Variants in MAMDC4 observed in about 807,000 individuals in gnomAD.
MAMDC4 encodes apical endosomal glycoprotein.
MAMDC4 carries 168 observed loss-of-function variants against 153.3 expected under a neutral mutation model. The observed-to-expected ratio is 1.10, with a 90% CI of 0.97 to 1.25. The LOEUF (loss-of-function observed/expected upper bound fraction) is 1.25. Ranked by LOEUF, MAMDC4 falls within the 50% of genes most tolerant of loss-of-function variation. MAMDC4 has a pLI of 0.00. For missense variants in MAMDC4, 1,701 were observed against 1,542.8 expected (o/e 1.10, Z -1.72); for synonymous variants, 744 against 651.5 (o/e 1.14, Z -2.16).
At chr9:136,854,161 G>A (rs761530160) in intron 6 of MAMDC4, 50 bp from the exon 7 acceptor site, 4 of 1,611,278 alleles carry the variant, frequency 2.5e-6, no homozygotes, top group Non-Finnish European at 3.4e-6. Flanking sequence ...GCCCCCGAGT[G>A]CTCTCCCACT....
rs771563213 is a variant in MAMDC4 at position 136,852,451 on chromosome 9, T to G, written c.35T>G (p.Val12Gly). 12 of 1,610,230 alleles carry G rather than the reference T, an allele frequency of 7.5e-6. No homozygotes were observed. The Admixed American group carries it at 2.0e-4, about 27-fold the overall frequency. Residue 12 changes from valine (V) to glycine (G), a missense_variant, in exon 1 of 27, where the codon GTC (valine) becomes GGC (glycine). Transcript: ENST00000317446. ...TCCAGCCACCTGCTGCCCGCCTTGG[T>G]CCTGTTCCTGGGTAAGTAGTCTGGT... ...PLSSHLLPAL[V>G]LFLAGSSGWA...
Position 136,860,062 on chromosome 9 carries a change from G to T in MAMDC4, c.3370G>T (p.Ala1124Ser). ...APGFDNILFN[A>S]DGVTLPASVT... ...TGGCTTTGACAACATCCTTTTCAAT[G>T]CGGTAGGAGCCCCTGGGGATGGGTG... Residue 1124 changes from alanine to serine, a missense_variant and splice_region_variant, in exon 26 of 27, where the codon GCG (alanine) becomes TCG (serine). Ala to Ser is a moderately conservative substitution (Grantham distance 99). Coordinates refer to ENST00000317446, the MANE Select transcript of MAMDC4 (RefSeq NM_206920.3). 6.4e-7 allele frequency: 1 copy of T among 1,567,858 alleles called. No homozygotes were observed. Among genetic ancestry groups the T allele is most frequent in the Middle Eastern group, 1.7e-4 (1 of 5,834 alleles).
At chr9:136,860,241 C>T (rs1461662606) in intron 26 of MAMDC4, among the ~76,000 whole-genome samples, 177 bp downstream of exon 26, 3 of 152,166 alleles carry the variant, frequency 2.0e-5, no homozygotes, top group African/African-American at 4.8e-5. Flanking sequence ...CCTCCTTGGC[C>T]GGGCGCGGTG....
Position 136,859,972 on chromosome 9 carries a change from G to A in MAMDC4, c.3280G>A (p.Gly1094Arg). The change falls in exon 26 of 27, where the codon GGA (glycine) becomes AGA (arginine). Residue 1094 changes from glycine (G) to arginine (R), a missense_variant. Coordinates refer to ENST00000317446, the MANE Select transcript of MAMDC4 (RefSeq NM_206920.3). ...GCTCCTGGTGCTGCTGGGACTTGGGGGACGGCGCTGGCTGCAGAAGAAGGG... is the reference window on the plus strand; with the variant it reads ...GCTCCTGGTGCTGCTGGGACTTGGGAGACGGCGCTGGCTGCAGAAGAAGGG... ...LMLLVLLGLG[G>R]RRWLQKKGSC... 1 of 1,612,978 alleles carries A rather than the reference G, an allele frequency of 6.2e-7. No individual in the cohort carries two copies. Among genetic ancestry groups the A allele is most frequent in the Non-Finnish European group, 8.5e-7 (1 of 1,179,898 alleles).
In MAMDC4 at chr9:136,854,043, G is replaced by C; in HGVS notation, c.637G>C (p.Asp213His). ...CACCCACAGGGGCGCTGTGGCTCTA[G>C]ATGACCTAGAGTTCTGGGACTGTGG... ...NATHRGAVAL[D>H]DLEFWDCGLP... Residue 213 changes from aspartate to histidine, a missense_variant, in exon 6 of 27, where the codon GAT (aspartate) becomes CAT (histidine). Transcript: ENST00000317446. 1 of 1,612,916 alleles carries C rather than the reference G, an allele frequency of 6.2e-7. No homozygotes were observed. The highest frequency in any genetic ancestry group is 8.5e-7 in the Non-Finnish European group (1 of 1,179,958).
intron 22 of MAMDC4, 66 bp from the exon 23 acceptor site, chr9:136,858,653 C>T: frequency 6.2e-7 from 1 of 1,600,632 alleles, no homozygotes; most frequent in Non-Finnish European, 8.5e-7. Context: ...GCTCACCGAG[C>T]CTCTGCTCGG....
chr9:136,856,221 C>T (rs531753629), intron 14 of MAMDC4, 72 bp downstream of exon 14: 99 of 1,609,092 alleles, frequency 6.2e-5, no homozygotes, highest in Admixed American at 1.2e-4. Flanking sequence ...GGTCTGGGGC[C>T]GGGTGACCCA....
At chr9:136,859,815 C>T in intron 25 of MAMDC4, 71 bp from the exon 26 acceptor site, 2 of 1,535,658 alleles carry the variant, frequency 1.3e-6, no homozygotes, top group Non-Finnish European at 1.8e-6. Context: ...GACCATGCAG[C>T]CCCAGGCTTC....
At position 136,857,792 on chromosome 9, in the gene MAMDC4, C is replaced by A. The variant is rs764138696; in HGVS notation, c.2460C>A (p.Ser820Arg). 5 of 1,611,930 alleles carry A rather than the reference C, an allele frequency of 3.1e-6. No homozygotes were observed. The highest frequency in any genetic ancestry group is 4.2e-6 in the Non-Finnish European group (5 of 1,179,602). The change falls in exon 19 of 27, where the codon AGC becomes AGA. Residue 820 changes from serine to arginine, a missense_variant. By Grantham distance (110) the Ser-to-Arg change is moderately radical (BLOSUM62 -1). Coordinates refer to ENST00000317446, the MANE Select transcript of MAMDC4 (RefSeq NM_206920.3). ...TCTGGTACCACGGGAGCCTCCGCAG[C>A]CCAGGTGAGGGGCTTTGGGAGGGGG... ...LTFWYHGSLR[S>R]PGTLRVYLEE...
intron 6 of MAMDC4, 34 bp from the exon 7 acceptor site, chr9:136,854,177 G>A (rs1340661914): frequency 1.9e-6 from 3 of 1,611,688 alleles, no homozygotes; most frequent in African/African-American, 2.7e-5. Context: ...CCACTCCTGG[G>A]GCCTCGGTGA....
At position 136,855,301 on chromosome 9, in the gene MAMDC4, C is replaced by A. The variant is rs768546916; in HGVS notation, c.1245C>A (p.Asp415Glu). Residue 415 changes from aspartate (D) to glutamate (E), a missense_variant, in exon 11 of 27, where the codon GAC becomes GAA. By Grantham distance (45) the Asp-to-Glu change is conservative. Coordinates refer to ENST00000317446, the MANE Select transcript of MAMDC4 (RefSeq NM_206920.3). ...GCCCGGGGGGCGTCGTGGGTCTGGA[C>A]GACCTCATCCTGTCTGACCACTGCA... ...QTGPGGVVGL[D>E]DLILSDHCRP... 12 of 1,606,696 alleles carry A rather than the reference C, an allele frequency of 7.5e-6. No individual in the cohort carries two copies. The African/African-American group carries it at 1.3e-4, about 18-fold the overall frequency.
In MAMDC4 at chr9:136,859,051, G is replaced by A. The variant is rs1849048860; in HGVS notation, c.3003G>A (p.Leu1001=). The change falls in exon 24 of 27, where the codon CTG becomes CTA. Residue 1001 remains leucine (L), a synonymous_variant. Transcript: ENST00000317446. ...TGCTGCACAGTGCTCAGGGCCAGCT[G>A]GCTGTGTGGGGCGCAGGCGGGCATC... ...KVLLHSAQGQ[L]AVWGAGGHRR... 2 of 1,555,402 alleles carry A rather than the reference G, an allele frequency of 1.3e-6. No individual in the cohort carries two copies. The highest frequency in any genetic ancestry group is 1.2e-5 in the South Asian group (1 of 84,794).
chr9:136,855,644 A>G (rs1848993872), intron 12 of MAMDC4, 25 bp downstream of exon 12: 4 of 1,565,946 alleles, frequency 2.6e-6, no homozygotes, highest in Non-Finnish European at 2.6e-6. Context: ...CCTCCTGCAG[A>G]CCTCCTGCTG....
chr9:136,858,449 G>A lies in MAMDC4; in HGVS notation c.2724G>A (p.Trp908Ter). ...TGTGTGGCTGGAGCCACCTGGCCTG[G>A]CCCGGCCTGGGCGGATACAGCTGGG... ...SGLCGWSHLA[W>*]PGLGGYSWDW... Residue 908 changes from tryptophan to a stop codon, truncating the protein, a stop_gained, in exon 22 of 27, where the codon TGG becomes TGA. Coordinates refer to ENST00000317446, the MANE Select transcript of MAMDC4 (RefSeq NM_206920.3). LOFTEE classifies it high-confidence loss of function. The A allele has an allele frequency of 6.2e-7, 1 of 1,607,194 alleles. No individual in the cohort carries two copies. Among genetic ancestry groups the A allele is most frequent in the Non-Finnish European group, 8.5e-7 (1 of 1,179,702 alleles).
Position 136,857,794 on chromosome 9 carries a change from C to T in MAMDC4, c.2462C>T (p.Pro821Leu). ...TGGTACCACGGGAGCCTCCGCAGCC[C>T]AGGTGAGGGGCTTTGGGAGGGGGCC... is the stretch of plus-strand genomic sequence containing the variant. ...TFWYHGSLRS[P>L]GTLRVYLEER... Residue 821 changes from proline to leucine, a missense_variant and splice_region_variant, in exon 19 of 27, where the codon CCA becomes CTA. Pro to Leu is a moderately conservative substitution (Grantham distance 98, BLOSUM62 -3). Transcript: ENST00000317446. 1 of 1,611,988 alleles carries T rather than the reference C, an allele frequency of 6.2e-7. No homozygotes were observed. The highest frequency in any genetic ancestry group is 1.1e-5 in the South Asian group (1 of 90,980).
Position 136,859,139 on chromosome 9 carries a change from C to G in MAMDC4, c.3084+7C>G. The G allele has an allele frequency of 6.4e-7, 1 of 1,574,412 alleles. No individual in the cohort carries two copies. Among genetic ancestry groups the G allele is most frequent in the Non-Finnish European group, 8.6e-7 (1 of 1,159,166 alleles). On this transcript the variant is annotated splice_region_variant and intron_variant, in intron 24 of 26. Coordinates refer to ENST00000317446, the MANE Select transcript of MAMDC4 (RefSeq NM_206920.3). ...CAGTGCCAAGGAGTTCCAGGTGAGG[C>G]TGGCTGTGGGCAAGGAGCCTCCTCC...
At position 136,856,828 on chromosome 9, in the gene MAMDC4, T is replaced by C. The variant is rs748177555; in HGVS notation, c.1837+2T>C. On this transcript the variant is annotated splice_donor_variant, in intron 15 of 26. Transcript: ENST00000317446. LOFTEE classifies it high-confidence loss of function. ...ACCACGACCACACCACAGGCCAAGGTAGGATGGGCGCTCAGACCGGGGGTG... is the reference window on the plus strand; with the variant it reads ...ACCACGACCACACCACAGGCCAAGGCAGGATGGGCGCTCAGACCGGGGGTG... 10 of 1,612,218 alleles carry C rather than the reference T, an allele frequency of 6.2e-6. No individual in the cohort carries two copies. The Admixed American group carries it at 1.3e-4, about 22-fold the overall frequency.
chr9:136,853,461 G>A lies in MAMDC4; in HGVS notation c.328+3G>A, dbSNP rs530170378. On this transcript the variant is annotated splice_donor_region_variant and intron_variant, in intron 3 of 26. Transcript: ENST00000317446. The stretch of plus-strand genomic sequence containing the variant: ...CCACACACTGGGCACCGACTTGGGT[G>A]AGGCCAGGGCAAGTCTCTGTGCGCC... The A allele has an allele frequency of 1.8e-4, 296 of 1,604,342 alleles. No homozygotes were observed. The highest frequency in any genetic ancestry group is 3.6e-4 in the South Asian group (33 of 90,548).
Position 136,857,700 on chromosome 9 carries a change from C to A in MAMDC4, c.2368C>A (p.Arg790=), listed in dbSNP as rs533007586. The A allele has an allele frequency of 6.2e-7, 1 of 1,612,568 alleles. No homozygotes were observed. Among genetic ancestry groups the A allele is most frequent in the East Asian group, 2.2e-5 (1 of 44,850 alleles). Residue 790 remains arginine, a synonymous_variant, in exon 19 of 27, where the codon CGG becomes AGG. Coordinates refer to ENST00000317446, the MANE Select transcript of MAMDC4 (RefSeq NM_206920.3). Reference sequence around the variant, plus strand: ...GGACACAAGCCCAGACGCACTACCCCGGGGCCAGACGGCCTCCCTGACCTC... The same window carrying A: ...GGACACAAGCCCAGACGCACTACCCAGGGGCCAGACGGCCTCCCTGACCTC... The part of the protein sequence containing the change: ...VVDTSPDALP[R]GQTASLTSKE...
Sources: allele counts gnomAD v4.1 joint callset (sites outside exome capture counted in the v4.1 genomes callset), GRCh38; gene constraint gnomAD v4.1.1; transcripts MANE v1.5; gene names NCBI Gene and HGNC (gene_info 2026-07-23, HGNC 2026-07-21).